SCUBE1: variants seen among roughly 807,000 people sequenced by gnomAD.
SCUBE1 encodes signal peptide, CUB and EGF-like domain-containing protein 1.
In SCUBE1, 59 loss-of-function variants were observed where a neutral mutation model predicts 124.4. That is an observed-to-expected ratio of 0.47 (90% CI 0.38 to 0.59). The LOEUF is 0.59. Among genes scored for constraint, SCUBE1 ranks in the 20% least tolerant of loss-of-function variants. The pLI is 0.00. For synonymous variants in SCUBE1, 545 were observed against 550.9 expected (o/e 0.99, Z 0.15); for missense variants, 1,150 against 1,371.2 (o/e 0.84, Z 2.55).
chr22:43,232,114 C>A, intron 7 of SCUBE1: 1 of 536,106 alleles, frequency 1.9e-6, no homozygotes, highest in Non-Finnish European at 3.4e-6. Context: ...CACCACTTCC[C>A]CTGAGACTTG....
intron 21 of SCUBE1, among the ~76,000 whole-genome samples, chr22:43,206,928 GAACTCTGCA>G (rs898535387): frequency 2.0e-5 from 3 of 152,190 alleles, no homozygotes; most frequent in African/African-American, 7.2e-5. Flanking sequence ...GAATCTTCCC[GAACTCTGCA>G]AACCATCCTT....
chr22:43,328,757 C>T (rs943158756), intron 2 of SCUBE1, among the ~76,000 whole-genome samples: 1 of 152,132 alleles, frequency 6.6e-6, no homozygotes, highest in African/African-American at 2.4e-5. Context: ...TCCGAATCCC[C>T]GGGTGGACTT....
chr22:43,298,916 G>T (rs964650559), intron 3 of SCUBE1, among the ~76,000 whole-genome samples: 2 of 152,294 alleles, frequency 1.3e-5, no homozygotes, highest in Middle Eastern at 3.4e-3. Context: ...GCCGGGCATG[G>T]TGGCGGGTGC....
At chr22:43,254,830 C>T (rs763986851) in intron 6 of SCUBE1, among the ~76,000 whole-genome samples, 7 of 152,240 alleles carry the variant, frequency 4.6e-5, no homozygotes, top group Admixed American at 1.3e-4. Context: ...CCACTGTGCA[C>T]GCTGAGCTCT....
At position 43,222,764 on chromosome 22, in the gene SCUBE1, A is replaced by C. The variant is rs1455917195; in HGVS notation, c.1328-22T>G. The C allele has an allele frequency of 7.0e-6, 11 of 1,562,100 alleles. No homozygotes were observed. The Admixed American group carries it at 1.8e-4, about 26-fold the overall frequency. On this transcript the variant is annotated intron_variant, in intron 11 of 21. Transcript: ENST00000360835. Reference sequence around the variant, plus strand: ...GAGTCTGCAGAGAAGCCGGTGGGTGAGGTGGGCCTGGTGCTCCTCCCTCCC... The same window carrying C: ...GAGTCTGCAGAGAAGCCGGTGGGTGCGGTGGGCCTGGTGCTCCTCCCTCCC...
chr22:43,238,602 C>T, intron 7 of SCUBE1: 1 of 616,936 alleles, frequency 1.6e-6, no homozygotes, highest in South Asian at 1.9e-5. Context: ...GCCCAGGAAC[C>T]TGCTGATGTG....
intron 9 of SCUBE1, 105 bp downstream of exon 9, chr22:43,228,967 C>T (rs137914289): frequency 7.3e-6 from 6 of 817,154 alleles, no homozygotes; most frequent in Non-Finnish European, 1.0e-5. Context: ...GCCTCAGGCC[C>T]CCCAGGGTTG....
intron 6 of SCUBE1, among the ~76,000 whole-genome samples, chr22:43,240,398 G>A (rs1922956718): frequency 6.6e-6 from 1 of 152,232 alleles, no homozygotes; most frequent in African/African-American, 2.4e-5. Flanking sequence ...CATCCTTCAA[G>A]GCCTGGCTCA....
At chr22:43,271,978 G>A (rs557761823) in intron 4 of SCUBE1, among the ~76,000 whole-genome samples, 1 of 152,256 alleles carries the variant, frequency 6.6e-6, no homozygotes, top group South Asian at 2.1e-4. Flanking sequence ...CTTCTACCTT[G>A]TGTGAGGGAG....
chr22:43,237,698 A>G (rs932152695), intron 7 of SCUBE1: 3 of 152,220 alleles, frequency 2.0e-5, no homozygotes, highest in African/African-American at 7.2e-5. Flanking sequence ...ACAAAAATAC[A>G]TTTATTTTTA....
At chr22:43,265,156 G>A (rs1290513263) in intron 4 of SCUBE1, among the ~76,000 whole-genome samples, 7 of 152,234 alleles carry the variant, frequency 4.6e-5, no homozygotes, top group Admixed American at 2.0e-4. Context: ...GATGCACGCC[G>A]GAGCCCTGGG....
intron 15 of SCUBE1, 94 bp downstream of exon 15, chr22:43,218,161 G>A (rs1921920032): frequency 1.7e-6 from 2 of 1,209,286 alleles, no homozygotes; most frequent in Non-Finnish European, 2.4e-6. Context: ...CTCCCCAGGT[G>A]TCTGTCTCAC....
chr22:43,227,643 C>CCACACG, intron 9 of SCUBE1, 147 bp from the exon 10 acceptor site: 1 of 980,364 alleles, frequency 1.0e-6, no homozygotes, highest in Non-Finnish European at 1.5e-6. Context: ...AGTGCACACG[C>CCACACG]CACACGCACA....
chr22:43,292,110 C>T (rs1925384468), intron 3 of SCUBE1, among the ~76,000 whole-genome samples: 1 of 152,188 alleles, frequency 6.6e-6, no homozygotes, highest in Non-Finnish European at 1.5e-5. Context: ...ATCAGCAGCA[C>T]AACACGATAA....
intron 2 of SCUBE1, among the ~76,000 whole-genome samples, chr22:43,332,274 AAG>A (rs1412364277): frequency 1.3e-5 from 2 of 152,240 alleles, no homozygotes; most frequent in East Asian, 3.9e-4. Context: ...GTGACAAAGC[AAG>A]ACTTCATCTC....
intron 2 of SCUBE1, among the ~76,000 whole-genome samples, chr22:43,337,499 C>G (rs1044450962): frequency 2.0e-5 from 3 of 152,220 alleles, no homozygotes; most frequent in Non-Finnish European, 4.4e-5. Flanking sequence ...GCGAGCTAAC[C>G]TCTGGCCCTG....
Position 43,283,879 on chromosome 22 carries a change from T to C in SCUBE1, c.484+7167A>G, listed in dbSNP as rs534297833. On this transcript the variant is annotated intron_variant, in intron 4 of 21. Transcript: ENST00000360835. ...TCATCAGGTATTTGCCCTTGCAAAC[T>C]TACAGATGAAATGAATGGATCCCCA... 2.0e-5 allele frequency: 3 copies of C among 152,386 alleles called. No homozygotes were observed. The South Asian group carries it at 6.2e-4, about 32-fold the overall frequency. 9.4% of individuals were successfully genotyped at this position (152,386 alleles called of 1,614,324 possible). A position where few individuals can be genotyped will look rare whatever the true frequency, so the allele number is the denominator to read the frequency against.
chr22:43,304,098 C>A (rs1455775437), intron 3 of SCUBE1, among the ~76,000 whole-genome samples: 3 of 152,208 alleles, frequency 2.0e-5, no homozygotes, highest in Non-Finnish European at 4.4e-5. Flanking sequence ...GAGAGCTCCC[C>A]AGAAGTGGGA....
chr22:43,255,128 A>C lies in SCUBE1; in HGVS notation c.727+3091T>G, dbSNP rs1369761182. ...TAACTGTGAATGTGGGTGTTCACGC[A>C]AGTCGGGGAGCTTTACGACACACGT... is the stretch of plus-strand genomic sequence containing the variant. On this transcript the variant is annotated intron_variant, in intron 6 of 21. Transcript: ENST00000360835. The surrounding 1 kb of genome is among the most constrained non-coding windows in gnomAD (Gnocchi z 4.7). Among the ~76,000 whole-genome samples the C allele has an allele frequency of 6.6e-6, 1 of 152,204 alleles. No homozygotes were observed.
Sources: allele counts gnomAD v4.1 joint callset (sites outside exome capture counted in the v4.1 genomes callset), GRCh38; gene constraint gnomAD v4.1.1; non-coding constraint Gnocchi (gnomAD v3.1); transcripts MANE v1.5; gene names NCBI Gene and HGNC (gene_info 2026-07-23, HGNC 2026-07-21).